The following XRN1 variants were observed in gnomAD, a reference collection of about 807,000 sequenced individuals.
XRN1 encodes strand-exchange protein 1 homolog.
In XRN1, 67 loss-of-function variants were observed where a neutral mutation model predicts 222.3. The observed-to-expected ratio is 0.30, with a 90% CI of 0.25 to 0.37. The LOEUF (loss-of-function observed/expected upper bound fraction) is 0.37. Among genes scored for constraint, XRN1 ranks in the 10% least tolerant of loss-of-function variants. The pLI is 1.00. For synonymous variants in XRN1, 643 were observed against 652.4 expected (o/e 0.99, Z 0.22); for missense variants, 1,707 against 2,000.2 (o/e 0.85, Z 2.80).
chr3:142,441,031 A>G (rs1346884641), intron 1 of XRN1, among the ~76,000 whole-genome samples: 2 of 152,198 alleles, frequency 1.3e-5, no homozygotes, highest in Admixed American at 6.5e-5. Flanking sequence ...TGTGCCACCA[A>G]GCCACCCAAG....
At chr3:142,407,928 T>C (rs1368416567) in intron 15 of XRN1, among the ~76,000 whole-genome samples, 1 of 152,260 alleles carries the variant, frequency 6.6e-6, no homozygotes, top group African/African-American at 2.4e-5. Flanking sequence ...CAATACATGA[T>C]TGATATCTTC....
intron 27 of XRN1, among the ~76,000 whole-genome samples, chr3:142,366,527 T>A (rs1274840591): frequency 2.0e-5 from 3 of 152,150 alleles, no homozygotes; most frequent in African/African-American, 4.8e-5. Flanking sequence ...TCTCTTACTC[T>A]AGTTGAGGGA....
In XRN1 at chr3:142,384,669, C is replaced by G; in HGVS notation, c.2356G>C (p.Gly786Arg). ...GISEHYLRRKGIIINETSAVV... is the reference protein window; with the variant it reads ...GISEHYLRRKRIIINETSAVV... ...GCAGATGTTTCATTTATTATTATTC[C>G]TTTTCTTCTCAGGTAGCTAAAATAA... Residue 786 changes from glycine to arginine, a missense_variant, in exon 21 of 41, where the codon GGA becomes CGA. Coordinates refer to ENST00000392981, the MANE Select transcript of XRN1 (RefSeq NM_001282857.2). 6.3e-7 allele frequency: 1 copy of G among 1,589,578 alleles called. No individual in the cohort carries two copies. The highest frequency in any genetic ancestry group is 8.6e-7 in the Non-Finnish European group (1 of 1,169,552).
In XRN1 at chr3:142,309,804, A is replaced by G. The variant is rs1243557574; in HGVS notation, c.*1707T>C. On this transcript the variant is annotated 3_prime_UTR_variant, in exon 41 of 41. Coordinates refer to ENST00000392981, the MANE Select transcript of XRN1 (RefSeq NM_001282857.2). ...CACTTTAAAGTAGGAAGAGGTTAAT[A>G]TAACATTACTGTCACAATTTAACTT... 1 of 152,254 alleles carries G rather than the reference A, an allele frequency of 6.6e-6. No individual in the cohort carries two copies. 9.4% of individuals were successfully genotyped at this position (152,254 alleles called of 1,614,324 possible). A position where few individuals can be genotyped will look rare whatever the true frequency, so the allele number is the denominator to read the frequency against.
intron 13 of XRN1, among the ~76,000 whole-genome samples, chr3:142,415,153 C>T (rs923227059): frequency 1.3e-5 from 2 of 152,182 alleles, no homozygotes; most frequent in East Asian, 1.9e-4. Context: ...AACCATGTAT[C>T]GATCACATAC....
intron 5 of XRN1, among the ~76,000 whole-genome samples, chr3:142,424,019 A>C (rs1287828721): frequency 1.3e-5 from 2 of 151,884 alleles, no homozygotes; most frequent in Admixed American, 1.3e-4. Context: ...ACTCTTTTGG[A>C]GACCAGGATA....
intron 14 of XRN1, among the ~76,000 whole-genome samples, chr3:142,413,459 T>A (rs908634525): frequency 1.3e-5 from 2 of 151,568 alleles, no homozygotes; most frequent in African/African-American, 2.4e-5. Context: ...CAGAAGGGAG[T>A]CTGACACTGC....
intron 15 of XRN1, among the ~76,000 whole-genome samples, chr3:142,406,449 T>C (rs981030647): frequency 1.3e-5 from 2 of 152,212 alleles, no homozygotes; most frequent in Non-Finnish European, 2.9e-5. Flanking sequence ...TTGGCAATAA[T>C]TTTTTGGATA....
intron 18 of XRN1, among the ~76,000 whole-genome samples, chr3:142,403,353 T>C (rs553168793): frequency 6.6e-6 from 1 of 152,300 alleles, no homozygotes; most frequent in Non-Finnish European, 1.5e-5. Context: ...AGAATGCCTT[T>C]CCCCTCCTTT....
intron 10 of XRN1, chr3:142,420,249 A>G (rs2068956604): frequency 1.3e-5 from 2 of 152,220 alleles, no homozygotes; most frequent in South Asian, 4.1e-4. Flanking sequence ...TAAGTCACGC[A>G]GTTCAGTTTC....
At chr3:142,392,323 TTC>T (rs1157114180) in intron 20 of XRN1, among the ~76,000 whole-genome samples, 4 of 110,484 alleles carry the variant, frequency 3.6e-5, no homozygotes, top group Non-Finnish European at 7.1e-5. Context: ...AGCCAGCAAT[TTC>T]TTTTTTTTTT....
chr3:142,413,434 A>G lies in XRN1; in HGVS notation c.1593+701T>C, dbSNP rs534271025. ...GGAAGCCAGGATCAACAACAGTTTA[A>G]GGTTCAGAAAGATGCAGAAGGGAGT... On this transcript the variant is annotated intron_variant, in intron 14 of 40. Transcript: ENST00000392981. 1.8e-3 allele frequency among the ~76,000 whole-genome samples: 278 copies of G among 152,304 alleles called. 1 individual carries two copies. The highest frequency in any genetic ancestry group is 6.1e-3 in the African/African-American group (254 of 41,570).
intron 39 of XRN1, among the ~76,000 whole-genome samples, chr3:142,314,904 CA>C (rs776430519): frequency 0.015 from 341 of 22,280 alleles, no homozygotes; most frequent in African/African-American, 0.017. Flanking sequence ...GACTCTGTCT[CA>C]AAAAAAAAAA....
At position 142,345,917 on chromosome 3, in the gene XRN1, C is replaced by T. The variant is rs2107799981; in HGVS notation, c.3877+1317G>A. On this transcript the variant is annotated intron_variant, in intron 33 of 40. Transcript: ENST00000392981. The stretch of plus-strand genomic sequence containing the variant: ...TTGTGAAGGATGTGGAGAAATTGGA[C>T]CTTCACACATCCCTGGTGCAAAGGT... Among the ~76,000 whole-genome samples the T allele has an allele frequency of 2.0e-5, 3 of 152,262 alleles. No homozygotes were observed. In the Middle Eastern group the frequency reaches 0.01, roughly 518 times the overall value.
intron 5 of XRN1, 84 bp from the exon 6 acceptor site, chr3:142,423,726 A>C: frequency 9.7e-7 from 1 of 1,034,362 alleles, no homozygotes; most frequent in Non-Finnish European, 1.4e-6. Context: ...AAACAATTCT[A>C]TACAAGGAAG....
chr3:142,325,661 CTTT>C (rs1272166011), intron 37 of XRN1, among the ~76,000 whole-genome samples: 1 of 152,042 alleles, frequency 6.6e-6, no homozygotes, highest in Admixed American at 6.6e-5. Context: ...TGTGCAGAAG[CTTT>C]TTAAGCTTGA....
chr3:142,350,910 A>G (rs565827963), intron 32 of XRN1, among the ~76,000 whole-genome samples: 2 of 152,280 alleles, frequency 1.3e-5, no homozygotes, highest in African/African-American at 4.8e-5. Context: ...ATGTATATTA[A>G]GTACCCAAGT....
Position 142,400,370 on chromosome 3 carries a change from A to T in XRN1, c.2207+74T>A. ...TTAATATAATTTTGTCAGTTAAAAA[A>T]ATGAATCAATAAAAGCCATCAAAGT... On this transcript the variant is annotated intron_variant, in intron 19 of 40. Coordinates refer to ENST00000392981, the MANE Select transcript of XRN1 (RefSeq NM_001282857.2). 3.2e-6 allele frequency: 4 copies of T among 1,264,834 alleles called. No homozygotes were observed. The South Asian group carries it at 4.3e-5, about 13-fold the overall frequency. The allele number at this position is 1,264,834 out of a possible 1,614,324, so 78.4% of individuals were successfully genotyped here.
chr3:142,384,543 C>T lies in XRN1; in HGVS notation c.2482G>A (p.Val828Ile). The stretch of plus-strand genomic sequence containing the variant: ...CTTACCTTGACAATAGTTTGATAAA[C>T]AAAAGGAACAACTTGTTTTGACCAC... ...KQWSKQVVPF[V>I]YQTIVKDIRA... The change falls in exon 21 of 41, where the codon GTT (valine) becomes ATT (isoleucine). Residue 828 changes from valine (V) to isoleucine (I), a missense_variant. Val to Ile is a conservative substitution (Grantham distance 29). Transcript: ENST00000392981. The T allele has an allele frequency of 6.2e-7, 1 of 1,610,428 alleles. No homozygotes were observed. Among genetic ancestry groups the T allele is most frequent in the Non-Finnish European group, 8.5e-7 (1 of 1,178,812 alleles).
Sources: allele counts gnomAD v4.1 joint callset (sites outside exome capture counted in the v4.1 genomes callset), GRCh38; gene constraint gnomAD v4.1.1; transcripts MANE v1.5; gene names NCBI Gene and HGNC (gene_info 2026-07-23, HGNC 2026-07-21).